DPYD: variants seen among roughly 807,000 people sequenced by gnomAD.
DPYD encodes dihydropyrimidine dehydrogenase.
Under a neutral mutation model 116.2 loss-of-function variants are expected in DPYD, and 109 were observed. The observed-to-expected ratio is 0.94, with a 90% confidence interval of 0.80 to 1.10. The LOEUF (loss-of-function observed/expected upper bound fraction) is 1.10, where lower values mean the gene tolerates loss of function less well. Ranked by LOEUF, DPYD falls within the 50% of genes least tolerant of loss-of-function variation. The probability of loss-of-function intolerance (pLI) is 0.00; values close to 1 mark genes in which losing one functional copy is unlikely to be tolerated. For missense variants in DPYD, 1,302 were observed against 1,254.5 expected (o/e 1.04, Z -0.57); for synonymous variants, 440 against 432.0 (o/e 1.02, Z -0.23).
intron 18 of DPYD, among the ~76,000 whole-genome samples, chr1:97,304,075 C>A (rs1039154993): frequency 6.6e-6 from 1 of 151,968 alleles, no homozygotes. Context: ...ATATAAAATA[C>A]TACTGCAATA....
At chr1:97,490,485 T>C (rs1286509423) in intron 13 of DPYD, among the ~76,000 whole-genome samples, 1 of 127,340 alleles carries the variant, frequency 7.9e-6, no homozygotes, top group East Asian at 2.4e-4. Flanking sequence ...GTATATTGTG[T>C]TATAATTACT....
intron 16 of DPYD, among the ~76,000 whole-genome samples, chr1:97,317,554 A>G (rs1236353601): frequency 6.6e-6 from 1 of 152,080 alleles, no homozygotes; most frequent in East Asian, 1.9e-4. Context: ...TAGTGTAAAC[A>G]GTATAACAAT....
chr1:97,374,288 T>C (rs1171753404), intron 15 of DPYD, among the ~76,000 whole-genome samples: 3 of 152,228 alleles, frequency 2.0e-5, no homozygotes, highest in Non-Finnish European at 4.4e-5. Flanking sequence ...ATTTAAATCA[T>C]TAATTCCTTG....
chr1:97,916,335 C>T (rs190071012), intron 1 of DPYD, among the ~76,000 whole-genome samples: 149 of 152,178 alleles, frequency 9.8e-4, no homozygotes, highest in African/African-American at 3.4e-3. Flanking sequence ...TCCCTCCTCC[C>T]GACCCCACAA....
At chr1:97,696,030 G>A (rs780821020) in intron 6 of DPYD, among the ~76,000 whole-genome samples, 88 of 151,514 alleles carry the variant, frequency 5.8e-4, no homozygotes, top group Non-Finnish European at 1.0e-3. Flanking sequence ...CTTGGGAGGC[G>A]GAGGCAGAAG....
chr1:97,331,979 AGAATG>A (rs1171038047), intron 16 of DPYD, among the ~76,000 whole-genome samples: 3 of 152,218 alleles, frequency 2.0e-5, no homozygotes, highest in Non-Finnish European at 4.4e-5. Flanking sequence ...CTTAGAAGAA[AGAATG>A]CTTTATTTCT....
At chr1:97,636,001 T>C (rs1657535673) in intron 8 of DPYD, among the ~76,000 whole-genome samples, 1 of 151,970 alleles carries the variant, frequency 6.6e-6, no homozygotes, top group Non-Finnish European at 1.5e-5. Context: ...TGTATTTTAT[T>C]GTAGAGATGG....
chr1:97,645,466 C>T (rs182855558), intron 8 of DPYD, among the ~76,000 whole-genome samples: 1 of 152,046 alleles, frequency 6.6e-6, no homozygotes, highest in African/African-American at 2.4e-5. Context: ...AGAGGATATC[C>T]CAGTTATATC....
chr1:97,083,656 A>T (rs182125810), intron 21 of DPYD, among the ~76,000 whole-genome samples: 81 of 151,986 alleles, frequency 5.3e-4, no homozygotes, highest in African/African-American at 1.8e-3. Context: ...CAATATTTCC[A>T]TTTTGAAATG....
rs116291201 is a variant in DPYD, at chr1:97,701,126, T to C, written c.484-1579A>G. ...AAATATAAGAGCACAGATAGATAAG[T>C]GTAAAGTTAAAGACTAGAAAAAGTT... On this transcript the variant is annotated intron_variant, in intron 5 of 22. Coordinates refer to ENST00000370192, the MANE Select transcript of DPYD (RefSeq NM_000110.4). 6.0e-3 allele frequency among the ~76,000 whole-genome samples: 892 copies of C among 149,046 alleles called. 13 individuals are homozygous for C. The highest frequency in any genetic ancestry group is 0.021 in the African/African-American group (848 of 40,976).
At chr1:97,728,976 T>C (rs1215764696) in intron 4 of DPYD, among the ~76,000 whole-genome samples, 2 of 152,068 alleles carry the variant, frequency 1.3e-5, no homozygotes, top group East Asian at 1.9e-4. Context: ...GATAGAAGAA[T>C]AGGTTTGACT....
At chr1:97,717,844 C>A (rs1180136437) in intron 5 of DPYD, among the ~76,000 whole-genome samples, 1 of 151,486 alleles carries the variant, frequency 6.6e-6, no homozygotes, top group African/African-American at 2.4e-5. Context: ...GTGTTTGTAT[C>A]ACATTTTCAT....
chr1:97,909,663 C>T (rs1176537191), intron 1 of DPYD, among the ~76,000 whole-genome samples: 2 of 152,040 alleles, frequency 1.3e-5, no homozygotes, highest in Non-Finnish European at 2.9e-5. Flanking sequence ...ATATACACAT[C>T]CTTCCTCCTC....
At chr1:97,257,108 GT>G (rs963958091) in intron 18 of DPYD, among the ~76,000 whole-genome samples, 46 of 151,822 alleles carry the variant, frequency 3.0e-4, no homozygotes, top group Non-Finnish European at 5.0e-4. Context: ...AAAATTCTGA[GT>G]TTTTTTGATT....
At chr1:97,465,824 C>G (rs148376300) in intron 13 of DPYD, among the ~76,000 whole-genome samples, 1 of 152,198 alleles carries the variant, frequency 6.6e-6, no homozygotes. Flanking sequence ...GGGCACAAGT[C>G]GTCAAGCCCT....
chr1:97,098,782 G>T, intron 20 of DPYD, 150 bp from the exon 21 acceptor site: 2 of 885,414 alleles, frequency 2.3e-6, no homozygotes, highest in South Asian at 1.6e-5. Flanking sequence ...CATTGTTTTG[G>T]ACCACTAGTC....
chr1:97,186,082 A>G (rs1657976977), intron 20 of DPYD, among the ~76,000 whole-genome samples: 1 of 152,200 alleles, frequency 6.6e-6, no homozygotes, highest in African/African-American at 2.4e-5. Flanking sequence ...GCTTTTGGTA[A>G]GGGTCTTGCT....
chr1:97,551,882 A>C (rs184700804), intron 11 of DPYD, among the ~76,000 whole-genome samples: 93 of 152,254 alleles, frequency 6.1e-4, no homozygotes, highest in African/African-American at 2.2e-3. Flanking sequence ...TTATTCCCTA[A>C]ACAATATAGT....
chr1:97,830,528 A>G (rs1669485764), intron 2 of DPYD, among the ~76,000 whole-genome samples: 1 of 152,116 alleles, frequency 6.6e-6, no homozygotes, highest in Admixed American at 6.6e-5. Flanking sequence ...CCTGGCCAAC[A>G]TGGTGAACTC....
Sources: allele counts gnomAD v4.1 joint callset (sites outside exome capture counted in the v4.1 genomes callset), GRCh38; gene constraint gnomAD v4.1.1; transcripts MANE v1.5; gene names NCBI Gene and HGNC (gene_info 2026-07-23, HGNC 2026-07-21).